MYO1B: variants seen among roughly 807,000 people sequenced by gnomAD.
MYO1B encodes the protein myosin IB.
Under a neutral mutation model 159.7 loss-of-function variants are expected in MYO1B, and 72 were observed. The ratio of observed to expected loss-of-function variants is 0.45; its 90% CI spans 0.37 to 0.55. The LOEUF is 0.55. Among genes scored for constraint, MYO1B ranks in the 20% least tolerant of loss-of-function variants. MYO1B has a pLI of 0.00. For missense variants in MYO1B, 1,062 were observed against 1,364.8 expected (o/e 0.78, Z 3.50); for synonymous variants, 468 against 473.8 (o/e 0.99, Z 0.16).
rs1371796004 is a variant in MYO1B at position 191,381,556 on chromosome 2, AT to A, written c.1281del (p.Tyr427Ter). On this transcript the variant is annotated frameshift_variant, in exon 14 of 31. Transcript: ENST00000392318. LOFTEE classifies it high-confidence loss of function. ...ELTLKEEQEE[Y>X]IREDIEWTHI... ...ACTCTTAAAGAAGAGCAGGAGGAGT[AT>A]ATACGGGAGGTAATGTTGAAATGCT... 1 of 1,609,206 alleles carries A rather than the reference AT, an allele frequency of 6.2e-7. No homozygotes were observed. The highest frequency in any genetic ancestry group is 2.2e-5 in the East Asian group (1 of 44,868).
At chr2:191,395,329 G>T (rs1696003791) in intron 20 of MYO1B, among the ~76,000 whole-genome samples, 1 of 152,116 alleles carries the variant, frequency 6.6e-6, no homozygotes, top group East Asian at 1.9e-4. Flanking sequence ...TGAGGTCCCA[G>T]GGTCCTCTTG....
chr2:191,269,404 G>A (rs1049369902), intron 1 of MYO1B, among the ~76,000 whole-genome samples: 25 of 152,134 alleles, frequency 1.6e-4, no homozygotes, highest in African/African-American at 5.3e-4. Flanking sequence ...ATCCATTGAT[G>A]GACACTTGGG....
chr2:191,251,123 A>T (rs1439468241), intron 1 of MYO1B, among the ~76,000 whole-genome samples: 1 of 152,180 alleles, frequency 6.6e-6, no homozygotes, highest in Non-Finnish European at 1.5e-5. Context: ...GAGGGAGACA[A>T]GATTCAGCCT....
intron 15 of MYO1B, 106 bp from the exon 16 acceptor site, chr2:191,385,778 A>T: frequency 8.3e-7 from 1 of 1,199,944 alleles, no homozygotes. Flanking sequence ...AACTGAACAG[A>T]CTTTTCTTGT....
chr2:191,369,624 T>A lies in MYO1B; in HGVS notation c.1115T>A (p.Ile372Asn), dbSNP rs1175469950. 1 of 1,612,256 alleles carries A rather than the reference T, an allele frequency of 6.2e-7. No homozygotes were observed. Among genetic ancestry groups the A allele is most frequent in the African/African-American group, 1.3e-5 (1 of 74,868 alleles). The change falls in exon 12 of 31, where the codon ATT (isoleucine) becomes AAT (asparagine). Residue 372 changes from isoleucine to asparagine, a missense_variant. By Grantham distance (149) the Ile-to-Asn change is moderately radical. Around this residue, in one of 5 missense-constraint regions of MYO1B, gnomAD observed 415 missense variants for 544.0 expected, o/e 0.76. Transcript: ENST00000392318. ...TTGGTAAATCGAATCAATGAAAGCATTAAGGTACTGAATTTCTATGAGCAA... is the reference window on the plus strand; with the variant it reads ...TTGGTAAATCGAATCAATGAAAGCAATAAGGTACTGAATTTCTATGAGCAA... ...SWLVNRINES[I>N]KAQTKVRKKV...
chr2:191,371,801 C>T (rs565153723), intron 13 of MYO1B, among the ~76,000 whole-genome samples: 4 of 152,312 alleles, frequency 2.6e-5, no homozygotes, highest in African/African-American at 9.6e-5. Context: ...GCATTGGGTG[C>T]TTCGTAGATG....
At chr2:191,385,615 C>G (rs1695352960) in intron 15 of MYO1B, among the ~76,000 whole-genome samples, 1 of 152,244 alleles carries the variant, frequency 6.6e-6, no homozygotes, top group African/African-American at 2.4e-5. Flanking sequence ...GTGTCTGAGG[C>G]AACTCCCAGG....
At chr2:191,421,372 T>C (rs1468011399) in intron 30 of MYO1B, among the ~76,000 whole-genome samples, 5 of 151,850 alleles carry the variant, frequency 3.3e-5, no homozygotes, top group African/African-American at 1.2e-4. Context: ...GCCTGGCCTC[T>C]AGTGTGAATA....
At chr2:191,276,435 T>C (rs1198734656) in intron 1 of MYO1B, among the ~76,000 whole-genome samples, 1 of 152,212 alleles carries the variant, frequency 6.6e-6, no homozygotes, top group Non-Finnish European at 1.5e-5. Flanking sequence ...AAGTTCTTGG[T>C]ATAGTGTCTG....
intron 7 of MYO1B, among the ~76,000 whole-genome samples, chr2:191,352,073 A>C (rs1294259500): frequency 6.6e-6 from 1 of 152,198 alleles, no homozygotes; most frequent in East Asian, 1.9e-4. Flanking sequence ...GATTTCATAC[A>C]CAAAATATGG....
At chr2:191,332,026 G>A (rs534800371) in intron 4 of MYO1B, among the ~76,000 whole-genome samples, 16 of 152,164 alleles carry the variant, frequency 1.1e-4, no homozygotes, top group East Asian at 1.9e-4. Flanking sequence ...GCAATGGCGC[G>A]ATCTTGGCTC....
chr2:191,330,540 T>C (rs1339979449), intron 4 of MYO1B, among the ~76,000 whole-genome samples: 5 of 152,292 alleles, frequency 3.3e-5, no homozygotes, highest in African/African-American at 1.2e-4. Context: ...ACCCTCCAAA[T>C]GGAAGGGTTA....
chr2:191,406,766 T>C (rs1365347439), intron 24 of MYO1B, among the ~76,000 whole-genome samples: 1 of 152,232 alleles, frequency 6.6e-6, no homozygotes, highest in Non-Finnish European at 1.5e-5. Context: ...ATGGTGCCAA[T>C]AGGCTTGTTT....
chr2:191,344,829 CAAAAAA>C (rs10646926), intron 5 of MYO1B, among the ~76,000 whole-genome samples: 1 of 56,158 alleles, frequency 1.8e-5, no homozygotes, highest in African/African-American at 7.1e-5. Context: ...GACTCCGTCT[CAAAAAA>C]AAAAAAAAAA....
chr2:191,360,079 A>C (rs1367618098), intron 7 of MYO1B, among the ~76,000 whole-genome samples: 1 of 152,174 alleles, frequency 6.6e-6, no homozygotes, highest in Non-Finnish European at 1.5e-5. Flanking sequence ...TGTGGGTGCA[A>C]GAGTCCTAAT....
chr2:191,291,132 T>G (rs1688662850), intron 2 of MYO1B, among the ~76,000 whole-genome samples: 2 of 152,198 alleles, frequency 1.3e-5, no homozygotes, highest in African/African-American at 2.4e-5. Flanking sequence ...ATATTTTGAC[T>G]ACTCAAAGGC....
chr2:191,397,734 G>A lies in MYO1B; in HGVS notation c.2295+1237G>A, dbSNP rs1294784736. Among the ~76,000 whole-genome samples, 560 of 144,770 alleles carry A rather than the reference G, an allele frequency of 3.9e-3. 3 individuals are homozygous for A. Among genetic ancestry groups the A allele is most frequent in the African/African-American group, 0.014 (536 of 38,606 alleles). 95.0% of individuals were successfully genotyped at this position (144,770 alleles called of 152,430 possible). On this transcript the variant is annotated intron_variant, in intron 21 of 30. Transcript: ENST00000392318. ...ACACCTCCCAGACGGGGTCGTGGCC[G>A]GGCAGAGGGGCTCCTCACTTCCCAG...
chr2:191,258,066 C>T (rs184630284), intron 1 of MYO1B, among the ~76,000 whole-genome samples: 4 of 152,198 alleles, frequency 2.6e-5, no homozygotes, highest in African/African-American at 9.6e-5. Context: ...ATATATGTAT[C>T]GCTTAATGAT....
At chr2:191,365,153 C>T (rs1437904499) in intron 11 of MYO1B, among the ~76,000 whole-genome samples, 1 of 152,158 alleles carries the variant, frequency 6.6e-6, no homozygotes, top group African/African-American at 2.4e-5. Flanking sequence ...CTTCTGCAGC[C>T]CCTTTCACTA....
Sources: allele counts gnomAD v4.1 joint callset (sites outside exome capture counted in the v4.1 genomes callset), GRCh38; gene constraint gnomAD v4.1.1; regional missense constraint gnomAD v4.1.1; transcripts MANE v1.5; gene names NCBI Gene and HGNC (gene_info 2026-07-23, HGNC 2026-07-21).